NIM1K: variants seen among roughly 807,000 people sequenced by gnomAD.
NIM1K encodes NIM1 serine/threonine protein kinase, also known as serine/threonine-protein kinase NIM1.
A neutral mutation model predicts 37.1 loss-of-function variants in NIM1K; 35 were observed. The observed-to-expected ratio is 0.94, with a 90% CI of 0.72 to 1.25. The LOEUF is 1.25. Among genes scored for constraint, NIM1K ranks in the 50% most tolerant of loss-of-function variants. The pLI, the probability that NIM1K is intolerant of heterozygous loss-of-function variation, is 0.00. For missense variants in NIM1K, 564 were observed against 548.0 expected, an observed-to-expected ratio of 1.03 and a Z score of -0.29; for synonymous variants, 234 against 206.6, an observed-to-expected ratio of 1.13 and a Z score of -1.14.
intron 1 of NIM1K, among the ~76,000 whole-genome samples, chr5:43,199,852 G>A (rs1751992458): frequency 6.6e-6 from 1 of 152,112 alleles, no homozygotes; most frequent in Non-Finnish European, 1.5e-5. Flanking sequence ...GTGCAACCCC[G>A]GTTTACACCT....
At chr5:43,255,889 A>G (rs1752937561) in intron 2 of NIM1K, among the ~76,000 whole-genome samples, 1 of 151,624 alleles carries the variant, frequency 6.6e-6, no homozygotes, top group Non-Finnish European at 1.5e-5. Context: ...GGAAATGGCT[A>G]TACATGGGGG....
intron 2 of NIM1K, among the ~76,000 whole-genome samples, chr5:43,258,011 T>G (rs1162050535): frequency 6.6e-6 from 1 of 152,142 alleles, no homozygotes; most frequent in Non-Finnish European, 1.5e-5. Flanking sequence ...TTTTCCAAAC[T>G]GAAAAGACCC....
chr5:43,232,095 G>A (rs1441008276), intron 1 of NIM1K: 1 of 1,037,362 alleles, frequency 9.6e-7, no homozygotes, highest in East Asian at 3.4e-5. Context: ...CAGTGGGAGG[G>A]CTGGCAGTTA....
intron 1 of NIM1K, among the ~76,000 whole-genome samples, chr5:43,220,373 C>T (rs919477855): frequency 2.7e-5 from 4 of 150,544 alleles, no homozygotes; most frequent in Non-Finnish European, 4.4e-5. Context: ...GCAACCTTCA[C>T]CTCCCAGGTT....
chr5:43,241,317 T>C (rs1303086992), intron 1 of NIM1K, among the ~76,000 whole-genome samples: 1 of 137,996 alleles, frequency 7.2e-6, no homozygotes, highest in Non-Finnish European at 1.5e-5. Context: ...GATATTGGTA[T>C]TTTTCTTTTC....
At chr5:43,279,165 C>A (rs1753399170) in intron 3 of NIM1K, among the ~76,000 whole-genome samples, 1 of 152,146 alleles carries the variant, frequency 6.6e-6, no homozygotes, top group Admixed American at 6.5e-5. Flanking sequence ...TGTTTATATG[C>A]CAAGACCATG....
intron 1 of NIM1K, among the ~76,000 whole-genome samples, chr5:43,239,483 C>T (rs1752665839): frequency 6.7e-6 from 1 of 150,136 alleles, no homozygotes; most frequent in African/African-American, 2.5e-5. Context: ...CATGATCCGC[C>T]TGCCTTGGCC....
chr5:43,232,989 C>A, intron 1 of NIM1K: 1 of 1,156,350 alleles, frequency 8.6e-7, no homozygotes, highest in Non-Finnish European at 1.3e-6. Context: ...CTGCCCTGGG[C>A]ACATGCTTGC....
intron 1 of NIM1K, among the ~76,000 whole-genome samples, chr5:43,206,017 G>C (rs149639930): frequency 5.3e-5 from 8 of 152,152 alleles, no homozygotes; most frequent in African/African-American, 1.9e-4. Context: ...CGGCCTGCTT[G>C]TTTTTACTAC....
chr5:43,204,285 T>C (rs1752076889), intron 1 of NIM1K, among the ~76,000 whole-genome samples: 1 of 150,620 alleles, frequency 6.6e-6, no homozygotes, highest in African/African-American at 2.4e-5. Context: ...AGTTTCACCA[T>C]ATTGGCCAGG....
At chr5:43,234,409 A>G (rs1031594603) in intron 1 of NIM1K, among the ~76,000 whole-genome samples, 1 of 152,226 alleles carries the variant, frequency 6.6e-6, no homozygotes, top group Non-Finnish European at 1.5e-5. Context: ...GATATACACA[A>G]AAATGGTGTA....
chr5:43,276,596 G>A (rs535745185), intron 2 of NIM1K, among the ~76,000 whole-genome samples: 2 of 152,244 alleles, frequency 1.3e-5, no homozygotes, highest in South Asian at 4.1e-4. Flanking sequence ...GAACAGGGAA[G>A]GAATGATGGA....
chr5:43,249,850 G>GTTTTTTTTTTTTT (rs70994677), intron 2 of NIM1K, among the ~76,000 whole-genome samples: 2 of 116,164 alleles, frequency 1.7e-5, no homozygotes, highest in Non-Finnish European at 1.7e-5. Context: ...GTATGGATTA[G>GTTTTTTTTTTTTT]TTTTTTTTTT....
chr5:43,261,381 T>C (rs1753028104), intron 2 of NIM1K, among the ~76,000 whole-genome samples: 1 of 152,248 alleles, frequency 6.6e-6, no homozygotes, highest in Non-Finnish European at 1.5e-5. Flanking sequence ...TTTTTTCATG[T>C]GTCTGTTGGC....
intron 1 of NIM1K, among the ~76,000 whole-genome samples, chr5:43,218,987 C>T (rs922974058): frequency 2.0e-5 from 3 of 151,974 alleles, no homozygotes; most frequent in African/African-American, 4.8e-5. Flanking sequence ...GGAAGGTTTC[C>T]CCATCGGTTC....
At chr5:43,267,827 T>C (rs914179866) in intron 2 of NIM1K, among the ~76,000 whole-genome samples, 5 of 152,342 alleles carry the variant, frequency 3.3e-5, no homozygotes, top group African/African-American at 9.6e-5. Context: ...TTGATATGAT[T>C]TTGATTTTTA....
At chr5:43,246,658 C>A (rs974120547) in intron 2 of NIM1K, among the ~76,000 whole-genome samples, 10 of 152,224 alleles carry the variant, frequency 6.6e-5, no homozygotes, top group Admixed American at 5.2e-4. Flanking sequence ...AGAACCTTTT[C>A]TGTTCAGTCC....
chr5:43,194,577 G>C (rs1188567191), intron 1 of NIM1K, among the ~76,000 whole-genome samples: 1 of 152,066 alleles, frequency 6.6e-6, no homozygotes, highest in African/African-American at 2.4e-5. Context: ...TTTAACCCTA[G>C]GTTTTTAGTT....
intron 1 of NIM1K, among the ~76,000 whole-genome samples, chr5:43,241,849 TA>T (rs1561084299): frequency 6.6e-6 from 1 of 151,946 alleles, no homozygotes; most frequent in African/African-American, 2.4e-5. Flanking sequence ...GCTGAGATCA[TA>T]AAAAAATTTC....
Sources: allele counts gnomAD v4.1 joint callset (sites outside exome capture counted in the v4.1 genomes callset), GRCh38; gene constraint gnomAD v4.1.1; transcripts MANE v1.5; gene names NCBI Gene and HGNC (gene_info 2026-07-23, HGNC 2026-07-21).